MRPS9: variants seen among roughly 807,000 people sequenced by gnomAD.
The protein encoded by MRPS9 is mitochondrial ribosomal protein S9.
A neutral mutation model predicts 59.9 loss-of-function variants in MRPS9; 45 were observed. The observed-to-expected ratio is 0.75, with a 90% CI of 0.59 to 0.96. MRPS9 has a LOEUF of 0.96. MRPS9 is among the 40% of genes least tolerant of loss of function. The pLI is 0.00. For synonymous variants in MRPS9, 171 were observed against 166.8 expected, an observed-to-expected ratio of 1.03 and a Z score of -0.19; for missense variants, 473 against 481.1, an observed-to-expected ratio of 0.98 and a Z score of 0.16.
At chr2:105,048,032 C>G (rs1023856847) in intron 1 of MRPS9, among the ~76,000 whole-genome samples, 6 of 151,974 alleles carry the variant, frequency 3.9e-5, no homozygotes, top group African/African-American at 1.4e-4. Context: ...CACATCCTCT[C>G]CATAAAGACA....
chr2:105,067,479 C>A, intron 2 of MRPS9, among the ~76,000 whole-genome samples: 1 of 152,124 alleles, frequency 6.6e-6, no homozygotes, highest in East Asian at 1.9e-4. Context: ...ACAGTGATGA[C>A]CACTAGACCT....
intron 5 of MRPS9, among the ~76,000 whole-genome samples, chr2:105,080,432 T>A (rs73945033): frequency 7.6e-4 from 116 of 152,280 alleles, no homozygotes; most frequent in Middle Eastern, 3.4e-3. Flanking sequence ...AAGAATCAAA[T>A]GGTTATTTCT....
chr2:105,087,535 A>G (rs73945038), intron 5 of MRPS9, among the ~76,000 whole-genome samples: 32,906 of 152,000 alleles, frequency 0.22, 3,628 homozygotes, highest in Middle Eastern at 0.35. Flanking sequence ...CTCACCACCA[A>G]TTTTGTAGCT....
At chr2:105,094,518 T>G (rs1020532411) in intron 9 of MRPS9, among the ~76,000 whole-genome samples, 1 of 152,206 alleles carries the variant, frequency 6.6e-6, no homozygotes, top group African/African-American at 2.4e-5. Context: ...TCAAAAGGGC[T>G]AAAACTCTTT....
intron 4 of MRPS9, among the ~76,000 whole-genome samples, chr2:105,079,519 A>G (rs1680286836): frequency 2.0e-5 from 3 of 152,192 alleles, no homozygotes; most frequent in South Asian, 2.1e-4. Flanking sequence ...GGGTTGAAAC[A>G]AATGATGTAG....
In MRPS9 at chr2:105,049,295, A is replaced by G. The variant is rs750709986; in HGVS notation, c.260A>G (p.His87Arg). 6.2e-7 allele frequency: 1 copy of G among 1,613,174 alleles called. No homozygotes were observed. Reference protein sequence around the residue: ...QIEEFNIGKRHLANMMGEDPE... With the variant: ...QIEEFNIGKRRLANMMGEDPE... ...GAAGAGTTCAACATAGGAAAGAGAC[A>G]TTTAGCCAACATGATGGGAGAAGAT... Residue 87 changes from histidine to arginine, a missense_variant, in exon 2 of 11, where the codon CAT becomes CGT. His to Arg is a conservative substitution (Grantham distance 29, BLOSUM62 0). Coordinates refer to ENST00000258455, the MANE Select transcript of MRPS9 (RefSeq NM_182640.3).
intron 2 of MRPS9, among the ~76,000 whole-genome samples, chr2:105,066,820 C>T (rs1680010097): frequency 1.3e-5 from 2 of 151,998 alleles, no homozygotes; most frequent in Admixed American, 1.3e-4. Context: ...GTCTAGATGG[C>T]CCACAAGTGC....
intron 2 of MRPS9, among the ~76,000 whole-genome samples, chr2:105,053,995 T>C (rs1028453178): frequency 2.6e-5 from 4 of 152,218 alleles, no homozygotes; most frequent in Non-Finnish European, 5.9e-5. Context: ...TACAGAAAGC[T>C]TTATTAGATT....
intron 1 of MRPS9, among the ~76,000 whole-genome samples, chr2:105,045,324 A>T (rs1025837398): frequency 2.8e-4 from 43 of 151,114 alleles, no homozygotes; most frequent in Non-Finnish European, 5.6e-4. Flanking sequence ...AAGCCAAAAA[A>T]AAAAGAAAAC....
At chr2:105,043,596 C>G (rs1298365124) in intron 1 of MRPS9, among the ~76,000 whole-genome samples, 1 of 152,008 alleles carries the variant, frequency 6.6e-6, no homozygotes, top group African/African-American at 2.4e-5. Context: ...GCTTTCCTTT[C>G]TTTTTTCTTT....
chr2:105,098,664 A>G (rs1346010622), intron 10 of MRPS9: 2 of 152,214 alleles, frequency 1.3e-5, no homozygotes, highest in Non-Finnish European at 2.9e-5. Context: ...TATTCCATGC[A>G]TGTCCTTTAA....
At chr2:105,061,711 G>T (rs535284930) in intron 2 of MRPS9, among the ~76,000 whole-genome samples, 4 of 152,080 alleles carry the variant, frequency 2.6e-5, no homozygotes, top group South Asian at 2.1e-4. Context: ...GCACTGCCTG[G>T]GGGGAGGAGC....
intron 1 of MRPS9, among the ~76,000 whole-genome samples, chr2:105,044,507 A>G (rs571547012): frequency 6.6e-6 from 1 of 152,344 alleles, no homozygotes; most frequent in East Asian, 1.9e-4. Context: ...CTCTTAAGCA[A>G]TGTGTAGAAA....
intron 1 of MRPS9, among the ~76,000 whole-genome samples, chr2:105,039,457 G>C (rs1679463903): frequency 6.6e-6 from 1 of 151,886 alleles, no homozygotes; most frequent in Admixed American, 6.6e-5. Flanking sequence ...GACATTTAAT[G>C]TATGTATTGG....
intron 1 of MRPS9, among the ~76,000 whole-genome samples, chr2:105,048,708 G>T (rs976667301): frequency 5.3e-5 from 8 of 151,992 alleles, no homozygotes; most frequent in African/African-American, 1.9e-4. Context: ...CAAATAAGGT[G>T]AATACCGACA....
At chr2:105,095,487 A>AT (rs138410859) in intron 9 of MRPS9, among the ~76,000 whole-genome samples, 26,489 of 139,926 alleles carry the variant, frequency 0.19, 2,595 homozygotes, top group Middle Eastern at 0.32. Flanking sequence ...CAGTCTGTAC[A>AT]TTTTTTTTTT....
At position 105,093,573 on chromosome 2, in the gene MRPS9, T is replaced by C. The variant is rs1187618537; in HGVS notation, c.864T>C (p.His288=). 1.9e-6 allele frequency: 3 copies of C among 1,607,176 alleles called. No homozygotes were observed. Among genetic ancestry groups the C allele is most frequent in the Non-Finnish European group, 2.6e-6 (3 of 1,176,340 alleles). ...TAKAEAIVYK[H]GSGRIKVNGI... ...AAGCAGAAGCAATTGTTTATAAACA[T>C]GGAAGTGGAAGAATAAAAGTAAATG... Residue 288 remains histidine, a synonymous_variant, in exon 9 of 11, where the codon CAT becomes CAC. Coordinates refer to ENST00000258455, the MANE Select transcript of MRPS9 (RefSeq NM_182640.3).
chr2:105,079,164 TC>T (rs1680276645), intron 4 of MRPS9, among the ~76,000 whole-genome samples: 1 of 152,190 alleles, frequency 6.6e-6, no homozygotes, highest in African/African-American at 2.4e-5. Flanking sequence ...TTTAAACTTC[TC>T]GATTATGAAA....
At chr2:105,057,369 G>A (rs1477362554) in intron 2 of MRPS9, among the ~76,000 whole-genome samples, 1 of 152,140 alleles carries the variant, frequency 6.6e-6, no homozygotes, top group African/African-American at 2.4e-5. Flanking sequence ...ACTGCCAAAT[G>A]TTGATCAGTG....
Sources: allele counts gnomAD v4.1 joint callset (sites outside exome capture counted in the v4.1 genomes callset), GRCh38; gene constraint gnomAD v4.1.1; transcripts MANE v1.5; gene names NCBI Gene and HGNC (gene_info 2026-07-23, HGNC 2026-07-21).